TEKT5: variants seen among roughly 807,000 people sequenced by gnomAD.
TEKT5 encodes the protein tektin-5.
Under a neutral mutation model 48.7 loss-of-function variants are expected in TEKT5, and 52 were observed. That is an observed-to-expected ratio of 1.07 (90% confidence interval 0.86 to 1.35). The LOEUF (loss-of-function observed/expected upper bound fraction) is 1.35, where lower values mean the gene tolerates loss of function less well. Ranked by LOEUF, TEKT5 falls within the 40% of genes most tolerant of loss-of-function variation. The pLI, the probability that TEKT5 is intolerant of heterozygous loss-of-function variation, is 0.00. For synonymous variants in TEKT5, 318 were observed against 267.6 expected, an observed-to-expected ratio of 1.19 and a Z score of -1.84; for missense variants, 831 against 641.6, an observed-to-expected ratio of 1.30 and a Z score of -3.19.
intron 5 of TEKT5, among the ~76,000 whole-genome samples, chr16:10,659,346 G>C (rs1312352402): frequency 6.6e-6 from 1 of 152,140 alleles, no homozygotes; most frequent in East Asian, 1.9e-4. Flanking sequence ...GATTAATACA[G>C]TTGTGTTCTT....
chr16:10,639,130 C>T (rs1236392415), intron 5 of TEKT5, among the ~76,000 whole-genome samples: 2 of 151,894 alleles, frequency 1.3e-5, no homozygotes, highest in African/African-American at 2.4e-5. Context: ...CAGAGCAAGA[C>T]CTTATCTCTA....
intron 5 of TEKT5, among the ~76,000 whole-genome samples, chr16:10,656,758 T>A (rs974590766): frequency 1.3e-5 from 2 of 152,124 alleles, no homozygotes; most frequent in Non-Finnish European, 2.9e-5. Flanking sequence ...GTTTTGTTTT[T>A]GAAACAGGGT....
intron 5 of TEKT5, among the ~76,000 whole-genome samples, chr16:10,650,305 T>G (rs918117218): frequency 5.9e-5 from 9 of 151,836 alleles, no homozygotes; most frequent in African/African-American, 2.2e-4. Flanking sequence ...TTCACCATGT[T>G]GGCCAAGCAG....
intron 4 of TEKT5, among the ~76,000 whole-genome samples, chr16:10,681,407 C>T (rs1320128040): frequency 6.7e-6 from 1 of 149,438 alleles, no homozygotes; most frequent in Non-Finnish European, 1.5e-5. Context: ...CTCTCTCTCT[C>T]TCTGGCTGGT....
chr16:10,635,904 G>T lies in TEKT5; in HGVS notation c.1101C>A (p.Ile367=). ...GCATGATGGTGTTCTCGGCCTGGAA[G>T]ATCTCCTGCAGCGTCTGCGAGGGAA... ...QTQLAKTLQE[I]FQAENTIMLL... The change falls in exon 6 of 7, where the codon ATC becomes ATA. Residue 367 remains isoleucine, a synonymous_variant. Transcript: ENST00000283025. 2.5e-6 allele frequency: 4 copies of T among 1,613,984 alleles called. No homozygotes were observed. The highest frequency in any genetic ancestry group is 3.4e-6 in the Non-Finnish European group (4 of 1,180,032).
At position 10,690,759 on chromosome 16, in the gene TEKT5, C is replaced by T. The variant is rs562828868; in HGVS notation, c.565-734G>A. 8.1e-6 allele frequency: 8 copies of T among 985,336 alleles called. No individual in the cohort carries two copies. In the African/African-American group the frequency reaches 1.2e-4, roughly 15 times the overall value. 61.0% of individuals were successfully genotyped at this position (985,336 alleles called of 1,614,324 possible). Reference sequence around the variant, plus strand: ...CAGGACAAGGGGCTTTTCAGGGGCGCTCTATGATGGGAAGCTGACAAACAG... The same window carrying T: ...CAGGACAAGGGGCTTTTCAGGGGCGTTCTATGATGGGAAGCTGACAAACAG... On this transcript the variant is annotated intron_variant, in intron 1 of 6. Transcript: ENST00000283025.
chr16:10,690,269 A>C, intron 1 of TEKT5: 1 of 518,506 alleles, frequency 1.9e-6, no homozygotes, highest in South Asian at 3.3e-5. Flanking sequence ...AAACAGGATA[A>C]AGTAGCATCC....
intron 5 of TEKT5, among the ~76,000 whole-genome samples, chr16:10,638,144 G>A (rs367582718): frequency 6.6e-6 from 1 of 152,004 alleles, no homozygotes; most frequent in Non-Finnish European, 1.5e-5. Context: ...CTACTTCTGT[G>A]TGTTTGAAAC....
chr16:10,691,666 G>C lies in TEKT5; in HGVS notation c.565-1641C>G, dbSNP rs572556502. Among the ~76,000 whole-genome samples the C allele has an allele frequency of 8.9e-4, 135 of 152,152 alleles. 2 individuals are homozygous for C. Among genetic ancestry groups the C allele is most frequent in the Non-Finnish European group, 8.8e-5 (6 of 67,984 alleles). ...CGGAATTAAGATGTTAATTTCTGGG[G>C]GACCAGACACGGTGGCTCACGCCTG... On this transcript the variant is annotated intron_variant, in intron 1 of 6. Transcript: ENST00000283025.
chr16:10,628,176 C>A (rs891189302), intron 6 of TEKT5, among the ~76,000 whole-genome samples: 8 of 152,124 alleles, frequency 5.3e-5, no homozygotes, highest in African/African-American at 1.9e-4. Flanking sequence ...AAGGTAGATG[C>A]ACTCACTGTG....
At chr16:10,643,049 G>A (rs1898017391) in intron 5 of TEKT5, among the ~76,000 whole-genome samples, 1 of 152,168 alleles carries the variant, frequency 6.6e-6, no homozygotes, top group African/African-American at 2.4e-5. Flanking sequence ...CACATGGTGT[G>A]CGTCAAAACA....
At chr16:10,674,929 T>C (rs1596414686) in intron 5 of TEKT5, among the ~76,000 whole-genome samples, 1 of 151,624 alleles carries the variant, frequency 6.6e-6, no homozygotes, top group East Asian at 1.9e-4. Flanking sequence ...TTCAAGCGAG[T>C]TCTCCCACCT....
chr16:10,638,799 A>C (rs1897950695), intron 5 of TEKT5, among the ~76,000 whole-genome samples: 1 of 152,240 alleles, frequency 6.6e-6, no homozygotes, highest in African/African-American at 2.4e-5. Flanking sequence ...TCAAAGAAAC[A>C]ACCAGTGAAG....
chr16:10,684,965 C>A (rs963359734), intron 3 of TEKT5, among the ~76,000 whole-genome samples: 1 of 152,220 alleles, frequency 6.6e-6, no homozygotes, highest in Non-Finnish European at 1.5e-5. Context: ...AGGTCAGTGG[C>A]AGAGCTTCCC....
intron 5 of TEKT5, among the ~76,000 whole-genome samples, chr16:10,673,616 C>T (rs1053863297): frequency 3.3e-5 from 5 of 149,874 alleles, no homozygotes; most frequent in Non-Finnish European, 7.4e-5. Flanking sequence ...TGGGCCTCTT[C>T]TGGAGCCTCC....
chr16:10,681,595 AT>A (rs35402400), intron 4 of TEKT5, among the ~76,000 whole-genome samples: 2,844 of 142,532 alleles, frequency 0.02, 55 homozygotes, highest in African/African-American at 0.056. Flanking sequence ...TTGTTTCGGA[AT>A]TTTTTTTTTT....
chr16:10,646,983 C>T (rs767487535), intron 5 of TEKT5, among the ~76,000 whole-genome samples: 1 of 152,188 alleles, frequency 6.6e-6, no homozygotes, highest in Non-Finnish European at 1.5e-5. Context: ...GGATGTACAA[C>T]CCTTAGAATG....
At chr16:10,647,800 CAG>C (rs1898094324) in intron 5 of TEKT5, among the ~76,000 whole-genome samples, 1 of 152,220 alleles carries the variant, frequency 6.6e-6, no homozygotes, top group Admixed American at 6.5e-5. Context: ...CATTCATCCA[CAG>C]AGTCATTGAT....
chr16:10,635,159 A>G (rs1343525483), intron 6 of TEKT5, among the ~76,000 whole-genome samples: 2 of 147,762 alleles, frequency 1.4e-5, no homozygotes, highest in Non-Finnish European at 3.0e-5. Flanking sequence ...CCTGGCCATC[A>G]TCCTATTACA....
Sources: gnomAD v4.1 joint callset for allele counts (sites outside exome capture counted in the v4.1 genomes callset) on GRCh38, gnomAD v4.1.1 for gene constraint, MANE v1.5 for transcripts, NCBI Gene and HGNC (gene_info 2026-07-23, HGNC 2026-07-21) for gene names.